The following ACOT7 variants were observed in gnomAD, a reference collection of about 807,000 sequenced individuals.
ACOT7 encodes acyl-CoA thioesterase 7.
In ACOT7, 12 loss-of-function variants were observed where a neutral mutation model predicts 40.2. That is an observed-to-expected ratio of 0.30 (90% CI 0.19 to 0.48). The LOEUF is 0.48. Among genes scored for constraint, ACOT7 ranks in the 20% least tolerant of loss-of-function variants. The pLI is 0.99. For missense variants in ACOT7, 395 were observed against 530.8 expected, an observed-to-expected ratio of 0.74 and a Z score of 2.51; for synonymous variants, 228 against 219.5, an observed-to-expected ratio of 1.04 and a Z score of -0.34.
chr1:6,280,904 G>A (rs970745120), intron 8 of ACOT7, among the ~76,000 whole-genome samples, 198 bp downstream of exon 8: 3 of 152,230 alleles, frequency 2.0e-5, no homozygotes, highest in South Asian at 2.1e-4. Context: ...GTTATGAAGC[G>A]TTCCTTCTCA....
chr1:6,286,122 C>T (rs368146367), intron 7 of ACOT7, among the ~76,000 whole-genome samples: 9 of 152,326 alleles, frequency 5.9e-5, no homozygotes, highest in African/African-American at 1.4e-4. Context: ...AATCAGCCCA[C>T]GAGCGGAGGT....
rs1475346664 is a variant in ACOT7 at position 6,332,820 on chromosome 1, CAAAAAAACAA to C, written c.510+647_510+656del. The stretch of plus-strand genomic sequence containing the variant: ...TGGGCAACAGAGCAAGATTCCGTCT[CAAAAAAACAA>C]AAAAAAACAAAAAAAACAAAAAGAA... On this transcript the variant is annotated intron_variant, in intron 4 of 8. Coordinates refer to ENST00000361521, the MANE Select transcript of ACOT7 (RefSeq NM_007274.4). 7.2e-3 allele frequency among the ~76,000 whole-genome samples: 954 copies of C among 131,624 alleles called. 12 individuals carry two copies. The highest frequency in any genetic ancestry group is 0.028 in the African/African-American group (893 of 31,598). 86.4% of individuals were successfully genotyped at this position (131,624 alleles called of 152,430 possible).
Position 6,299,668 on chromosome 1 carries a change from G to GTA in ACOT7, c.713-4689_713-4688insTA, listed in dbSNP as rs201842140. Among the ~76,000 whole-genome samples the GTA allele has an allele frequency of 1.3e-4, 17 of 132,874 alleles. No individual in the cohort carries two copies. In the East Asian group the frequency reaches 3.4e-3, roughly 27 times the overall value. 87.2% of individuals were successfully genotyped at this position (132,874 alleles called of 152,430 possible). Reference sequence around the variant, plus strand: ...AGAGAGAGAGAGAGAGAGCGCAAGTGTGTGTGTGTGTGTGTGTGTGTGTAG... The same window carrying GTA: ...AGAGAGAGAGAGAGAGAGCGCAAGTGTATGTGTGTGTGTGTGTGTGTGTGTAG... On this transcript the variant is annotated intron_variant, in intron 6 of 8. Transcript: ENST00000361521. This position sits in a 1 kb window ranked among gnomAD's most constrained non-coding sequence, Gnocchi z 4.1.
chr1:6,304,741 CAGA>C (rs777774178), intron 6 of ACOT7, among the ~76,000 whole-genome samples: 8 of 133,578 alleles, frequency 6.0e-5, no homozygotes, highest in Admixed American at 5.9e-4. Flanking sequence ...GATCCCAAGG[CAGA>C]AGAATTTTTC....
intron 8 of ACOT7, among the ~76,000 whole-genome samples, 199 bp downstream of exon 8, chr1:6,280,903 C>T (rs78765464): frequency 0.011 from 1,664 of 152,286 alleles, 28 homozygotes; most frequent in African/African-American, 0.037. Context: ...GGTTATGAAG[C>T]GTTCCTTCTC....
At chr1:6,277,923 C>T (rs907083360) in intron 8 of ACOT7, among the ~76,000 whole-genome samples, 8 of 152,186 alleles carry the variant, frequency 5.3e-5, no homozygotes, top group Non-Finnish European at 7.3e-5. Context: ...TGGTGGGCAC[C>T]GTGTCCATCA....
Position 6,339,517 on chromosome 1 carries a change from C to T in ACOT7, c.334G>A (p.Ala112Thr). The T allele has an allele frequency of 6.2e-7, 1 of 1,613,708 alleles. No individual in the cohort carries two copies. Among genetic ancestry groups the T allele is most frequent in the Non-Finnish European group, 8.5e-7 (1 of 1,180,034 alleles). ...FLSPMCIGEV[A>T]HVSAEITYTS... ...TAGGTGATCTCCGCGCTGACATGCG[C>T]CACCTCACCGATGCACATGGGAGAC... is the stretch of plus-strand genomic sequence containing the variant. The change falls in exon 3 of 9, where the codon GCG becomes ACG. Residue 112 changes from alanine to threonine, a missense_variant. Physicochemically the swap from Ala to Thr is moderately conservative, Grantham distance 58. Coordinates refer to ENST00000361521, the MANE Select transcript of ACOT7 (RefSeq NM_007274.4).
rs1341627055 is a variant in ACOT7 at position 6,282,693 on chromosome 1, C to T, written c.830-1407G>A. On this transcript the variant is annotated intron_variant, in intron 7 of 8. Coordinates refer to ENST00000361521, the MANE Select transcript of ACOT7 (RefSeq NM_007274.4). The surrounding 1 kb of genome is among the most constrained non-coding windows in gnomAD (Gnocchi z 4.5). ...TATTCCATGTTAAAAAGTATCAGAACGATCCATGCTACATTCAACTTCATA... is the reference window on the plus strand; with the variant it reads ...TATTCCATGTTAAAAAGTATCAGAATGATCCATGCTACATTCAACTTCATA... 5.4e-6 allele frequency: 7 copies of T among 1,297,268 alleles called. No homozygotes were observed. The highest frequency in any genetic ancestry group is 1.5e-5 in the African/African-American group (1 of 65,710). The allele number at this position is 1,297,268 out of a possible 1,614,324, so 80.4% of individuals were successfully genotyped here.
chr1:6,273,083 GT>G (rs2148368240), intron 8 of ACOT7, among the ~76,000 whole-genome samples: 1 of 152,360 alleles, frequency 6.6e-6, no homozygotes, highest in East Asian at 1.9e-4. Context: ...GCCCAGGTGG[GT>G]TTTTAACCCC....
intron 5 of ACOT7, among the ~76,000 whole-genome samples, chr1:6,321,410 ATTTTTTT>A (rs1005833916): frequency 6.6e-6 from 1 of 151,836 alleles, no homozygotes; most frequent in Non-Finnish European, 1.5e-5. Context: ...AGCCTGGTGT[ATTTTTTT>A]TACTTTTCCA....
intron 2 of ACOT7, among the ~76,000 whole-genome samples, chr1:6,347,791 C>G (rs1037901284): frequency 6.6e-6 from 1 of 151,594 alleles, no homozygotes; most frequent in Non-Finnish European, 1.5e-5. Flanking sequence ...AAGACAAGAA[C>G]AGCTGCCTCT....
chr1:6,327,841 T>C (rs148707820), intron 4 of ACOT7, among the ~76,000 whole-genome samples: 1 of 152,138 alleles, frequency 6.6e-6, no homozygotes, highest in African/African-American at 2.4e-5. Flanking sequence ...TGGCGTGATC[T>C]CAGCTCACTG....
In ACOT7 at chr1:6,330,513, T is replaced by C. The variant is rs149339105; in HGVS notation, c.510+2964A>G. ...TGCGGCTCCGGCTGCCTCGGAGCCA[T>C]GGAATGGTTTCAACAACTCCTCGAC... On this transcript the variant is annotated intron_variant, in intron 4 of 8. Transcript: ENST00000361521. This position sits in a 1 kb window ranked among gnomAD's most constrained non-coding sequence, Gnocchi z 4.6. Among the ~76,000 whole-genome samples the C allele has an allele frequency of 4.8e-3, 729 of 152,266 alleles. 6 individuals carry two copies. The highest frequency in any genetic ancestry group is 4.8e-3 in the Non-Finnish European group (326 of 68,016).
At chr1:6,322,934 C>T (rs1162273690) in intron 5 of ACOT7, among the ~76,000 whole-genome samples, 1 of 151,932 alleles carries the variant, frequency 6.6e-6, no homozygotes, top group Non-Finnish European at 1.5e-5. Flanking sequence ...AGTTCGAGAC[C>T]AACCTGGCCA....
Position 6,389,075 on chromosome 1 carries a change from C to G in ACOT7, c.143+4182G>C, listed in dbSNP as rs987513746. On this transcript the variant is annotated intron_variant, in intron 1 of 8. Transcript: ENST00000361521. The stretch of plus-strand genomic sequence containing the variant: ...AAAAAAAAAAGACAAAGGTAGAGCC[C>G]CTCTTTGTCTTTTCCCTTGGGGGAA... Among the ~76,000 whole-genome samples, 4 of 152,110 alleles carry G rather than the reference C, an allele frequency of 2.6e-5. No homozygotes were observed. In the South Asian group the frequency reaches 8.3e-4, roughly 32 times the overall value.
At chr1:6,286,923 G>A (rs1639519625) in intron 7 of ACOT7, among the ~76,000 whole-genome samples, 1 of 152,164 alleles carries the variant, frequency 6.6e-6, no homozygotes, top group Admixed American at 6.5e-5. Flanking sequence ...GGGGGTAAAA[G>A]GAATCATACC....
chr1:6,286,833 T>C (rs906379106), intron 7 of ACOT7, among the ~76,000 whole-genome samples: 1 of 152,192 alleles, frequency 6.6e-6, no homozygotes, highest in African/African-American at 2.4e-5. Flanking sequence ...CCGCATTCAT[T>C]ATGTCACATG....
intron 1 of ACOT7, among the ~76,000 whole-genome samples, chr1:6,361,878 T>A (rs1293343537): frequency 6.6e-6 from 1 of 152,152 alleles, no homozygotes; most frequent in African/African-American, 2.4e-5. Flanking sequence ...GCACTGGCCA[T>A]GTGGGTGACA....
At chr1:6,339,735 C>T (rs1179893273) in intron 2 of ACOT7, 146 bp from the exon 3 acceptor site, 12 of 808,862 alleles carry the variant, frequency 1.5e-5, no homozygotes, top group African/African-American at 2.0e-5. Context: ...TTATTGGCAC[C>T]GCGGTTTTTT....
Sources: gnomAD v4.1 joint callset for allele counts (sites outside exome capture counted in the v4.1 genomes callset) on GRCh38, gnomAD v4.1.1 for gene constraint, Gnocchi (gnomAD v3.1) non-coding constraint, MANE v1.5 for transcripts, NCBI Gene and HGNC (gene_info 2026-07-23, HGNC 2026-07-21) for gene names.